EPB41L4A: variants seen among roughly 807,000 people sequenced by gnomAD.
EPB41L4A encodes the protein band 4.1-like protein 4A.
A neutral mutation model predicts 108.6 loss-of-function variants in EPB41L4A; 100 were observed. That is an observed-to-expected ratio of 0.92 (90% CI 0.78 to 1.09). The LOEUF is 1.09. Among genes scored for constraint, EPB41L4A ranks in the 50% least tolerant of loss-of-function variants. The pLI is 0.00. For synonymous variants in EPB41L4A, 319 were observed against 289.0 expected (o/e 1.10, Z -1.05); for missense variants, 1,030 against 842.7 (o/e 1.22, Z -2.75).
At chr5:112,190,314 G>A (rs542454921) in intron 17 of EPB41L4A, among the ~76,000 whole-genome samples, 7 of 152,140 alleles carry the variant, frequency 4.6e-5, no homozygotes, top group Middle Eastern at 3.4e-3. Context: ...TTTTAAGGGG[G>A]GGGTGTTACA....
chr5:112,407,934 G>A (rs1191068118), intron 1 of EPB41L4A, among the ~76,000 whole-genome samples: 2 of 152,140 alleles, frequency 1.3e-5, no homozygotes, highest in African/African-American at 4.8e-5. Context: ...CGCTGCTCCA[G>A]GAAGTTTACA....
chr5:112,369,014 T>C (rs1490884167), intron 1 of EPB41L4A, among the ~76,000 whole-genome samples: 2 of 152,182 alleles, frequency 1.3e-5, no homozygotes, highest in African/African-American at 2.4e-5. Context: ...ACTCTTACCT[T>C]TCACTAAGGG....
At chr5:112,382,661 G>C (rs933762494) in intron 1 of EPB41L4A, among the ~76,000 whole-genome samples, 1 of 152,186 alleles carries the variant, frequency 6.6e-6, no homozygotes. Flanking sequence ...AGACAGAAGA[G>C]AGCACTGTCA....
At chr5:112,226,720 T>C (rs970638449) in intron 12 of EPB41L4A, among the ~76,000 whole-genome samples, 2 of 147,842 alleles carry the variant, frequency 1.4e-5, no homozygotes, top group Non-Finnish European at 3.0e-5. Flanking sequence ...AGAAGAAAAA[T>C]GGCTTGAACA....
intron 1 of EPB41L4A, among the ~76,000 whole-genome samples, chr5:112,348,243 C>T (rs987948412): frequency 1.3e-5 from 2 of 152,150 alleles, no homozygotes; most frequent in African/African-American, 4.8e-5. Flanking sequence ...AAACCATCTG[C>T]GACACCTCCA....
chr5:112,339,033 T>TG (rs11396298), intron 1 of EPB41L4A, among the ~76,000 whole-genome samples: 133,682 of 151,736 alleles, frequency 0.88, 58,970 homozygotes, highest in Middle Eastern at 0.95. Flanking sequence ...AGTGACAGGG[T>TG]GGGGGAGAAT....
intron 1 of EPB41L4A, among the ~76,000 whole-genome samples, chr5:112,383,263 G>C (rs973754114): frequency 6.6e-5 from 10 of 152,206 alleles, no homozygotes; most frequent in Non-Finnish European, 1.3e-4. Context: ...TAGCAAAATA[G>C]AGAAATACAA....
intron 1 of EPB41L4A, among the ~76,000 whole-genome samples, chr5:112,357,393 G>A (rs945989881): frequency 1.3e-5 from 2 of 152,114 alleles, no homozygotes; most frequent in Non-Finnish European, 1.5e-5. Context: ...AAAGAGATTG[G>A]GCTCAAGCCA....
chr5:112,279,664 CTGTT>C (rs1752842910), intron 3 of EPB41L4A, among the ~76,000 whole-genome samples: 2 of 152,238 alleles, frequency 1.3e-5, no homozygotes, highest in South Asian at 4.1e-4. Context: ...TAAGGAGCCT[CTGTT>C]TGTGCTTATA....
intron 9 of EPB41L4A, among the ~76,000 whole-genome samples, chr5:112,242,223 TTTCAAAC>T (rs1226195685): frequency 6.6e-6 from 1 of 152,250 alleles, no homozygotes; most frequent in Non-Finnish European, 1.5e-5. Context: ...GTAGAACTTC[TTTCAAAC>T]TTGGAGTTAA....
At chr5:112,310,147 G>A (rs1580658799) in intron 1 of EPB41L4A, among the ~76,000 whole-genome samples, 1 of 152,190 alleles carries the variant, frequency 6.6e-6, no homozygotes, top group African/African-American at 2.4e-5. Flanking sequence ...CTGTGCTAGT[G>A]ATAATTTGTT....
intron 1 of EPB41L4A, among the ~76,000 whole-genome samples, chr5:112,317,075 A>G (rs1478396948): frequency 6.6e-6 from 1 of 152,212 alleles, no homozygotes; most frequent in Non-Finnish European, 1.5e-5. Context: ...GGGAGCAAAA[A>G]CAGATCCCAT....
At chr5:112,344,246 C>A (rs893480928) in intron 1 of EPB41L4A, among the ~76,000 whole-genome samples, 1 of 152,204 alleles carries the variant, frequency 6.6e-6, no homozygotes, top group African/African-American at 2.4e-5. Flanking sequence ...TTTAGGTCCA[C>A]AGTCTCACTA....
At chr5:112,352,176 G>C (rs573660243) in intron 1 of EPB41L4A, among the ~76,000 whole-genome samples, 5 of 152,152 alleles carry the variant, frequency 3.3e-5, no homozygotes, top group Non-Finnish European at 7.4e-5. Context: ...TTTTGGGTTC[G>C]GTTTGTTCTT....
intron 12 of EPB41L4A, among the ~76,000 whole-genome samples, chr5:112,154,927 A>C (rs993834473): frequency 2.6e-5 from 4 of 152,204 alleles, no homozygotes; most frequent in Admixed American, 2.6e-4. Flanking sequence ...GTAAGGAACA[A>C]CTTCCTAACA....
intron 2 of EPB41L4A, among the ~76,000 whole-genome samples, chr5:112,293,885 C>T (rs1753817252): frequency 6.6e-6 from 1 of 152,180 alleles, no homozygotes; most frequent in African/African-American, 2.4e-5. Context: ...ATCATCTCTT[C>T]CTTTCCTATT....
At position 112,169,123 on chromosome 5, in the gene EPB41L4A, A is replaced by C; in HGVS notation, c.1740-18T>G. 1.3e-6 allele frequency: 2 copies of C among 1,558,894 alleles called. No homozygotes were observed. The highest frequency in any genetic ancestry group is 1.8e-6 in the Non-Finnish European group (2 of 1,129,600). ...CTTGTGTCCTGAACAAGCAACCAAGAAACATGAAAACAAACACCCAAAGTC... is the reference window on the plus strand; with the variant it reads ...CTTGTGTCCTGAACAAGCAACCAAGCAACATGAAAACAAACACCCAAAGTC... On this transcript the variant is annotated intron_variant, in intron 20 of 22. Coordinates refer to ENST00000261486, the MANE Select transcript of EPB41L4A (RefSeq NM_022140.5).
At chr5:112,360,134 G>A (rs1211134837) in intron 1 of EPB41L4A, among the ~76,000 whole-genome samples, 1 of 152,146 alleles carries the variant, frequency 6.6e-6, no homozygotes, top group Admixed American at 6.5e-5. Flanking sequence ...ATTTGTAAAA[G>A]TAATTATCAG....
intron 4 of EPB41L4A, among the ~76,000 whole-genome samples, chr5:112,267,944 AC>A (rs1751980019): frequency 6.6e-6 from 1 of 152,108 alleles, no homozygotes; most frequent in Non-Finnish European, 1.5e-5. Context: ...TAATTTACAC[AC>A]CTTTTTCCAA....
Sources: allele counts gnomAD v4.1 joint callset (sites outside exome capture counted in the v4.1 genomes callset), GRCh38; gene constraint gnomAD v4.1.1; transcripts MANE v1.5; gene names NCBI Gene and HGNC (gene_info 2026-07-23, HGNC 2026-07-21).